Variants in ADGRL2 observed in about 807,000 individuals in gnomAD.
ADGRL2 encodes adhesion G protein-coupled receptor L2, also known as calcium-independent alpha-latrotoxin receptor 2.
ADGRL2 carries 44 observed loss-of-function variants against 157.4 expected under a neutral mutation model. The ratio of observed to expected loss-of-function variants is 0.28; its 90% confidence interval spans 0.22 to 0.36. The LOEUF (loss-of-function observed/expected upper bound fraction) is 0.36. ADGRL2 is among the 10% of genes least tolerant of loss of function. The pLI is 1.00. For missense variants in ADGRL2, 1,510 were observed against 1,768.9 expected, an observed-to-expected ratio of 0.85 and a Z score of 2.63; for synonymous variants, 585 against 624.7, an observed-to-expected ratio of 0.94 and a Z score of 0.95.
intron 1 of ADGRL2, among the ~76,000 whole-genome samples, chr1:81,364,616 C>T (rs2076033460): frequency 6.6e-6 from 1 of 151,880 alleles, no homozygotes; most frequent in Admixed American, 6.6e-5. Context: ...AAATTGTAAG[C>T]AGTACACTTG....
At chr1:81,982,570 A>G (rs2149456445) in intron 19 of ADGRL2, among the ~76,000 whole-genome samples, 1 of 152,070 alleles carries the variant, frequency 6.6e-6, no homozygotes, top group Non-Finnish European at 1.5e-5. Flanking sequence ...ATTTAAGTAT[A>G]AAATTTCCAT....
At chr1:81,842,999 A>T (rs2092654554) in intron 2 of ADGRL2, among the ~76,000 whole-genome samples, 1 of 152,138 alleles carries the variant, frequency 6.6e-6, no homozygotes, top group Admixed American at 6.5e-5. Flanking sequence ...TGTAAACCTA[A>T]TGGGAGTCAC....
intron 1 of ADGRL2, among the ~76,000 whole-genome samples, chr1:81,418,277 A>G (rs962651169): frequency 1.3e-5 from 2 of 152,260 alleles, no homozygotes; most frequent in African/African-American, 4.8e-5. Context: ...ACACTTCCAC[A>G]TGATAATATG....
chr1:81,422,021 C>T (rs901880767), intron 1 of ADGRL2, among the ~76,000 whole-genome samples: 3 of 152,158 alleles, frequency 2.0e-5, no homozygotes, highest in Non-Finnish European at 4.4e-5. Context: ...TTATTCAACA[C>T]TTGAATTTTC....
chr1:81,919,368 T>G (rs140746827), intron 3 of ADGRL2, among the ~76,000 whole-genome samples: 2,746 of 152,136 alleles, frequency 0.018, 89 homozygotes, highest in African/African-American at 0.063. Flanking sequence ...TTAAATAAAT[T>G]TCACTAATAT....
chr1:81,871,684 G>A (rs564967247), intron 2 of ADGRL2, among the ~76,000 whole-genome samples: 3,402 of 152,040 alleles, frequency 0.022, 57 homozygotes, highest in Non-Finnish European at 0.034. Context: ...TCTGATGACC[G>A]ATGATGATGA....
chr1:81,432,340 A>G (rs1170565181), intron 1 of ADGRL2, among the ~76,000 whole-genome samples: 2 of 152,220 alleles, frequency 1.3e-5, no homozygotes, highest in Non-Finnish European at 2.9e-5. Flanking sequence ...AAAATCCTTG[A>G]TCAGCAAGCT....
At position 81,991,709 on chromosome 1, in the gene ADGRL2, CAT is replaced by C. The variant is rs775995152; in HGVS notation, c.*567_*568del. On this transcript the variant is annotated 3_prime_UTR_variant, in exon 24 of 24. Coordinates refer to ENST00000686636, the MANE Select transcript of ADGRL2 (RefSeq NM_001366006.2). ...AGCAATCAAGCCACAGGCCTTATTT[CAT>C]ATGTTTCCTCAACTGTACAATGAAC... 67 of 152,846 alleles carry C rather than the reference CAT, an allele frequency of 4.4e-4. No homozygotes were observed. The highest frequency in any genetic ancestry group is 7.3e-4 in the Non-Finnish European group (50 of 68,148). The allele number at this position is 152,846 out of a possible 1,614,324, so 9.5% of individuals were successfully genotyped here.
At position 81,653,322 on chromosome 1, in the gene ADGRL2, T is replaced by TTTG. The variant is rs376750908; in HGVS notation, c.-143+72344_-143+72345insGTT. On this transcript the variant is annotated intron_variant, in intron 3 of 24. Coordinates refer to the ADGRL2 transcript ENST00000370721. The stretch of plus-strand genomic sequence containing the variant: ...TCCCTTTCTGATAAACCTTTAGGGT[T>TTTG]TTTTTTTTTTTCACTTTTATCAACA... Among the ~76,000 whole-genome samples, 40 of 149,756 alleles carry TTTG rather than the reference T, an allele frequency of 2.7e-4. 1 individual carries two copies. The East Asian group carries it at 3.9e-3, about 15-fold the overall frequency.
chr1:81,966,724 A>C, intron 13 of ADGRL2, 115 bp downstream of exon 13: 1 of 818,972 alleles, frequency 1.2e-6, no homozygotes, highest in East Asian at 2.4e-5. Flanking sequence ...GGGAGGAAAG[A>C]CAAGACCTTT....
chr1:81,936,570 A>T (rs1011404515), intron 3 of ADGRL2, among the ~76,000 whole-genome samples, 158 bp from the exon 4 acceptor site: 1 of 151,980 alleles, frequency 6.6e-6, no homozygotes, highest in African/African-American at 2.4e-5. Flanking sequence ...CAAAACTCTT[A>T]TAAAATATTT....
chr1:81,729,782 CTATT>C (rs764618454), intron 1 of ADGRL2, among the ~76,000 whole-genome samples: 2 of 152,160 alleles, frequency 1.3e-5, no homozygotes, highest in Admixed American at 6.6e-5. Flanking sequence ...GAACAATAAA[CTATT>C]TAAATCAAGC....
intron 2 of ADGRL2, among the ~76,000 whole-genome samples, chr1:81,522,981 AAG>A (rs914017682): frequency 1.8e-4 from 27 of 152,188 alleles, no homozygotes; most frequent in African/African-American, 5.5e-4. Flanking sequence ...TATGTAATTC[AAG>A]AACTGTAAAG....
At chr1:81,582,423 C>A (rs1247800750) in intron 3 of ADGRL2, among the ~76,000 whole-genome samples, 1 of 151,984 alleles carries the variant, frequency 6.6e-6, no homozygotes, top group Non-Finnish European at 1.5e-5. Context: ...AAGACTCCCC[C>A]TTAAAAGAAA....
chr1:81,779,258 A>C (rs2086717954), intron 2 of ADGRL2, among the ~76,000 whole-genome samples: 1 of 152,298 alleles, frequency 6.6e-6, no homozygotes. Flanking sequence ...GAAGAATGAA[A>C]TGTCTAAGGG....
At chr1:81,949,237 T>G (rs1406394185) in intron 6 of ADGRL2, among the ~76,000 whole-genome samples, 1 of 152,188 alleles carries the variant, frequency 6.6e-6, no homozygotes, top group East Asian at 1.9e-4. Context: ...AGTTTTTAAG[T>G]GGTAGTATTA....
At chr1:81,613,004 C>T (rs2081574088) in intron 3 of ADGRL2, among the ~76,000 whole-genome samples, 1 of 152,120 alleles carries the variant, frequency 6.6e-6, no homozygotes, top group South Asian at 2.1e-4. Context: ...GACATGGTCC[C>T]TGTCCTCAAA....
intron 2 of ADGRL2, chr1:81,557,447 GAGAGAA>G (rs1258354091): frequency 8.1e-6 from 1 of 123,744 alleles, no homozygotes; most frequent in Non-Finnish European, 1.7e-5. Context: ...AAGAAAGAAA[GAGAGAA>G]AGAAAGAAAG....
chr1:81,368,531 T>A (rs1331537236), intron 1 of ADGRL2, among the ~76,000 whole-genome samples: 1 of 152,230 alleles, frequency 6.6e-6, no homozygotes, highest in Non-Finnish European at 1.5e-5. Flanking sequence ...TCTGCTGGAA[T>A]AATTGATTTA....
Sources: allele counts gnomAD v4.1 joint callset (sites outside exome capture counted in the v4.1 genomes callset), GRCh38; gene constraint gnomAD v4.1.1; transcripts MANE v1.5; gene names NCBI Gene and HGNC (gene_info 2026-07-23, HGNC 2026-07-21).